Variants in NR2C1 observed in about 807,000 individuals in gnomAD.
The protein encoded by NR2C1 is nuclear receptor subfamily 2 group C member 1.
In NR2C1, 33 loss-of-function variants were observed where a neutral mutation model predicts 74.8. That is an observed-to-expected ratio of 0.44 (90% CI 0.33 to 0.59). The LOEUF (loss-of-function observed/expected upper bound fraction) is 0.59, where lower values mean the gene tolerates loss of function less well. Ranked by LOEUF, NR2C1 falls within the 20% of genes least tolerant of loss-of-function variation. NR2C1 has a pLI of 0.02. For missense variants in NR2C1, 568 were observed against 715.6 expected (o/e 0.79, Z 2.35); for synonymous variants, 225 against 240.6 (o/e 0.94, Z 0.60).
intron 10 of NR2C1, among the ~76,000 whole-genome samples, chr12:95,039,867 T>C (rs1293609765): frequency 6.6e-6 from 1 of 152,192 alleles, no homozygotes; most frequent in Non-Finnish European, 1.5e-5. Flanking sequence ...CTTAAACTCC[T>C]GGCCTCAAGC....
Position 95,057,820 on chromosome 12 carries a change from G to T in NR2C1, c.603C>A (p.Ala201=), listed in dbSNP as rs774988998. 2.5e-6 allele frequency: 4 copies of T among 1,613,756 alleles called. No homozygotes were observed. The highest frequency in any genetic ancestry group is 1.1e-5 in the South Asian group (1 of 91,076). Residue 201 remains alanine, a synonymous_variant, in exon 6 of 14, where the codon GCC becomes GCA. Coordinates refer to ENST00000333003, the MANE Select transcript of NR2C1 (RefSeq NM_003297.4). ...EVSREKSSNC[A]ASTEKIYIRK... is the part of the protein sequence containing the mutation. Reference sequence around the variant, plus strand: ...GGATATAGATTTTTTCTGTTGAAGCGGCACAGTTGGAAGATTTTTCTCGTG... The same window carrying T: ...GGATATAGATTTTTTCTGTTGAAGCTGCACAGTTGGAAGATTTTTCTCGTG...
intron 12 of NR2C1, among the ~76,000 whole-genome samples, chr12:95,026,461 A>G (rs1414137643): frequency 6.6e-6 from 1 of 152,206 alleles, no homozygotes; most frequent in Non-Finnish European, 1.5e-5. Context: ...AGCTTAAGAA[A>G]TGTTGAATAT....
chr12:95,044,262 C>A (rs140997628), intron 9 of NR2C1, among the ~76,000 whole-genome samples: 1 of 151,466 alleles, frequency 6.6e-6, no homozygotes, highest in Admixed American at 6.6e-5. Context: ...TAACAGCCTG[C>A]GTGATATAGC....
Position 95,062,538 on chromosome 12 carries a change from G to A in NR2C1, c.255C>T (p.Thr85=), listed in dbSNP as rs528296618. ...DAAGVNQLFF[T]TPDLSAQHLQ... is the part of the protein sequence containing the mutation. ...GGTGTTGTGCAGACAGATCAGGAGT[G>A]GTAAAAAATAACTGGTTGACACCTG... Residue 85 remains threonine, a synonymous_variant, in exon 3 of 14, where the codon ACC becomes ACT. Coordinates refer to ENST00000333003, the MANE Select transcript of NR2C1 (RefSeq NM_003297.4). 2.5e-6 allele frequency: 4 copies of A among 1,611,340 alleles called. No homozygotes were observed. The highest frequency in any genetic ancestry group is 2.7e-5 in the African/African-American group (2 of 74,922).
chr12:95,072,229 C>T (rs140012634), intron 1 of NR2C1, among the ~76,000 whole-genome samples: 3,759 of 149,290 alleles, frequency 0.025, 83 homozygotes, highest in Non-Finnish European at 0.039. Flanking sequence ...AGTATCAAGA[C>T]CATCCTGGCC....
At chr12:95,067,009 C>G (rs1313148494) in intron 2 of NR2C1, 2 of 326,214 alleles carry the variant, frequency 6.1e-6, no homozygotes, top group Non-Finnish European at 1.1e-5. Flanking sequence ...AAACTAGGCT[C>G]AGATTGTACC....
At chr12:95,027,220 A>G (rs932488724) in intron 12 of NR2C1, among the ~76,000 whole-genome samples, 1 of 151,980 alleles carries the variant, frequency 6.6e-6, no homozygotes, top group Non-Finnish European at 1.5e-5. Flanking sequence ...ACATCCAGCT[A>G]ATTTTTTCTG....
intron 9 of NR2C1, among the ~76,000 whole-genome samples, chr12:95,047,778 G>A (rs1278432761): frequency 2.0e-5 from 3 of 152,184 alleles, no homozygotes; most frequent in East Asian, 1.9e-4. Context: ...CAACAGGATC[G>A]TAATGTAAGG....
intron 12 of NR2C1, among the ~76,000 whole-genome samples, chr12:95,027,197 G>A (rs1869467576): frequency 6.6e-6 from 1 of 152,116 alleles, no homozygotes; most frequent in Non-Finnish European, 1.5e-5. Flanking sequence ...TGAAACTACA[G>A]GTGCACACCA....
At chr12:95,063,002 T>C (rs868746778) in intron 2 of NR2C1, 4 of 483,804 alleles carry the variant, frequency 8.3e-6, no homozygotes, top group Admixed American at 3.5e-5. Context: ...CAAACATATA[T>C]TGGGTGATTT....
intron 12 of NR2C1, 38 bp downstream of exon 12, chr12:95,028,349 A>G (rs373413575): frequency 7.7e-6 from 12 of 1,559,398 alleles, no homozygotes; most frequent in Non-Finnish European, 1.7e-6. Flanking sequence ...CACATCGTGA[A>G]ACATTTTATT....
chr12:95,040,437 A>T, intron 10 of NR2C1, 39 bp downstream of exon 10: 1 of 1,574,258 alleles, frequency 6.4e-7, no homozygotes, highest in Non-Finnish European at 8.6e-7. Context: ...CATTTGCACT[A>T]CAAAATCACA....
intron 11 of NR2C1, chr12:95,030,535 G>A: frequency 6.2e-7 from 1 of 1,607,544 alleles, no homozygotes; most frequent in Non-Finnish European, 8.5e-7. Context: ...TATAAGACAT[G>A]AACCAGGGGT....
intron 10 of NR2C1, among the ~76,000 whole-genome samples, chr12:95,036,495 A>C (rs1592736843): frequency 6.6e-6 from 1 of 151,184 alleles, no homozygotes; most frequent in Non-Finnish European, 1.5e-5. Flanking sequence ...TAACTACTAC[A>C]CTATATTGTG....
chr12:95,025,472 A>C (rs1265525858), intron 12 of NR2C1: 1 of 305,342 alleles, frequency 3.3e-6, no homozygotes, highest in Non-Finnish European at 5.9e-6. Context: ...CAGCCTGACC[A>C]ACATGGAGAA....
In NR2C1 at chr12:95,028,551, C is replaced by T. The variant is rs761570267; in HGVS notation, c.1394-27G>A. 15 of 1,385,098 alleles carry T rather than the reference C, an allele frequency of 1.1e-5. 1 individual carries two copies. In the South Asian group the frequency reaches 1.8e-4, roughly 17 times the overall value. 85.8% of individuals were successfully genotyped at this position (1,385,098 alleles called of 1,614,324 possible). ...TTTAATTAAAAATAAACAAATGCTT[C>T]TAGTGTTTGTCTAAAATGAACAACT... is the stretch of plus-strand genomic sequence containing the variant. On this transcript the variant is annotated intron_variant, in intron 11 of 13. Transcript: ENST00000333003.
At chr12:95,027,934 T>C (rs537118345) in intron 12 of NR2C1, among the ~76,000 whole-genome samples, 1 of 152,292 alleles carries the variant, frequency 6.6e-6, no homozygotes, top group South Asian at 2.1e-4. Context: ...GGTTTACCTA[T>C]TTTGCGTATT....
At chr12:95,049,275 G>T (rs750904172) in intron 8 of NR2C1, 42 bp from the exon 9 acceptor site, 15 of 1,555,218 alleles carry the variant, frequency 9.6e-6, no homozygotes, top group Middle Eastern at 1.7e-4. Context: ...ACCAAACACC[G>T]CAATAAAATA....
At chr12:95,051,012 C>T (rs1226634481) in intron 8 of NR2C1, among the ~76,000 whole-genome samples, 1 of 152,096 alleles carries the variant, frequency 6.6e-6, no homozygotes, top group Non-Finnish European at 1.5e-5. Context: ...GGTTTTAAGA[C>T]CACATTTCTA....
Sources: allele counts gnomAD v4.1 joint callset (sites outside exome capture counted in the v4.1 genomes callset), GRCh38; gene constraint gnomAD v4.1.1; transcripts MANE v1.5; gene names NCBI Gene and HGNC (gene_info 2026-07-23, HGNC 2026-07-21).